UNC13B: variants seen among roughly 807,000 people sequenced by gnomAD.
UNC13B encodes unc-13 homolog B.
A neutral mutation model predicts 211.0 loss-of-function variants in UNC13B; 144 were observed. The observed-to-expected ratio is 0.68, with a 90% CI of 0.60 to 0.78. UNC13B has a LOEUF of 0.78. Ranked by LOEUF, UNC13B falls within the 30% of genes least tolerant of loss-of-function variation. The probability of loss-of-function intolerance (pLI) is 0.00; values close to 1 mark genes in which losing one functional copy is unlikely to be tolerated. For synonymous variants in UNC13B, 709 were observed against 725.8 expected, an observed-to-expected ratio of 0.98 and a Z score of 0.37; for missense variants, 1,777 against 2,002.0, an observed-to-expected ratio of 0.89 and a Z score of 2.14.
intron 7 of UNC13B, among the ~76,000 whole-genome samples, chr9:35,268,697 A>G (rs1477785983): frequency 3.9e-5 from 6 of 152,110 alleles, no homozygotes; most frequent in Non-Finnish European, 8.8e-5. Context: ...GCTGATGTCA[A>G]TTTGTCCCTT....
chr9:35,318,853 G>A (rs1182105131), intron 11 of UNC13B, among the ~76,000 whole-genome samples: 1 of 152,122 alleles, frequency 6.6e-6, no homozygotes, highest in Non-Finnish European at 1.5e-5. Flanking sequence ...AAAATAACAA[G>A]GGCTTGTTTC....
chr9:35,338,483 T>A (rs181421176), intron 11 of UNC13B, among the ~76,000 whole-genome samples: 1 of 152,246 alleles, frequency 6.6e-6, no homozygotes, highest in Non-Finnish European at 1.5e-5. Context: ...CAGGATTACC[T>A]CCTGCTGCCC....
intron 17 of UNC13B, among the ~76,000 whole-genome samples, chr9:35,380,027 C>G (rs1450819047): frequency 6.6e-6 from 1 of 152,112 alleles, no homozygotes; most frequent in Non-Finnish European, 1.5e-5. Flanking sequence ...AGATAGAAAG[C>G]CAAACAGTTA....
intron 5 of UNC13B, among the ~76,000 whole-genome samples, chr9:35,241,017 A>G (rs1274032795): frequency 2.0e-5 from 3 of 147,922 alleles, no homozygotes; most frequent in Non-Finnish European, 3.0e-5. Flanking sequence ...AGATTCCACC[A>G]CTGCTCTCCA....
At chr9:35,309,103 A>G (rs1193842252) in intron 9 of UNC13B, among the ~76,000 whole-genome samples, 1 of 152,150 alleles carries the variant, frequency 6.6e-6, no homozygotes, top group South Asian at 2.1e-4. Flanking sequence ...CGAGCAGTGT[A>G]CAGGATCTAT....
chr9:35,353,549 A>G, intron 11 of UNC13B: 6 of 1,232,074 alleles, frequency 4.9e-6, no homozygotes, highest in Middle Eastern at 3.1e-4. Flanking sequence ...TCAGGATCCA[A>G]GCACCTTCTC....
chr9:35,184,739 CGAAA>C (rs36190549), intron 1 of UNC13B, among the ~76,000 whole-genome samples: 19,119 of 93,804 alleles, frequency 0.2, 1,749 homozygotes, highest in Middle Eastern at 0.28. Context: ...GAGAGGGAGA[CGAAA>C]GAAAGAAAGA....
At chr9:35,228,911 T>C (rs1178469193) in intron 2 of UNC13B, among the ~76,000 whole-genome samples, 1 of 152,166 alleles carries the variant, frequency 6.6e-6, no homozygotes, top group African/African-American at 2.4e-5. Context: ...TTCTCATTGC[T>C]TGCTTTTGCA....
Position 35,403,830 on chromosome 9 carries a change from G to C in UNC13B, c.12820G>C (p.Val4274Leu), listed in dbSNP as rs748746763. ...TTACTGCTTTGCCCGGGAAGATCGCGTGCTAGGGCTGGCTGTGATGCCTCT... is the reference window on the plus strand; with the variant it reads ...TTACTGCTTTGCCCGGGAAGATCGCCTGCTAGGGCTGGCTGTGATGCCTCT... ...KDYCFAREDR[V>L]LGLAVMPLRD... Residue 4274 changes from valine to leucine, a missense_variant, in exon 40 of 40, where the codon GTG becomes CTG. Coordinates refer to ENST00000635942, the MANE Select transcript of UNC13B (RefSeq NM_001371189.2). 1.2e-6 allele frequency: 2 copies of C among 1,614,158 alleles called. No homozygotes were observed. Among genetic ancestry groups the C allele is most frequent in the Non-Finnish European group, 1.7e-6 (2 of 1,180,026 alleles).
intron 11 of UNC13B, among the ~76,000 whole-genome samples, chr9:35,362,625 C>T (rs1318415584): frequency 6.6e-6 from 1 of 152,086 alleles, no homozygotes; most frequent in Non-Finnish European, 1.5e-5. Flanking sequence ...CTGGCTAACA[C>T]AGTGAAACCC....
chr9:35,388,821 A>G (rs542048856), intron 24 of UNC13B, among the ~76,000 whole-genome samples: 4 of 152,330 alleles, frequency 2.6e-5, no homozygotes, highest in African/African-American at 4.8e-5. Flanking sequence ...GCAGAGGAGT[A>G]ACACATTGAG....
intron 1 of UNC13B, among the ~76,000 whole-genome samples, chr9:35,208,981 C>G (rs1237761635): frequency 1.3e-5 from 2 of 152,192 alleles, no homozygotes; most frequent in African/African-American, 4.8e-5. Context: ...TGTCCTGTTT[C>G]ACAAAATGAT....
At chr9:35,288,197 A>C (rs1345394368) in intron 7 of UNC13B, among the ~76,000 whole-genome samples, 3 of 151,942 alleles carry the variant, frequency 2.0e-5, no homozygotes, top group Non-Finnish European at 4.4e-5. Context: ...ATGAATCACC[A>C]GTCCTTTCTA....
chr9:35,385,612 A>G (rs1317420884), intron 22 of UNC13B, 112 bp from the exon 23 acceptor site: 1 of 1,434,872 alleles, frequency 7.0e-7, no homozygotes, highest in Non-Finnish European at 9.2e-7. Flanking sequence ...CAGCTCAACT[A>G]GAGAAAAACC....
At chr9:35,309,222 AGTGTGTGTGTGTGTGTGTGTGTGTGT>A (rs5897599) in intron 9 of UNC13B, among the ~76,000 whole-genome samples, 1 of 145,144 alleles carries the variant, frequency 6.9e-6, no homozygotes, top group Non-Finnish European at 1.5e-5. Flanking sequence ...GGTCAGGGTC[AGTGTGTGTGTGTGTGTGTGTGTGTGT>A]GTGTGTGTGT....
intron 11 of UNC13B, among the ~76,000 whole-genome samples, chr9:35,338,964 A>G (rs1269096273): frequency 6.6e-6 from 1 of 152,184 alleles, no homozygotes; most frequent in Admixed American, 6.5e-5. Flanking sequence ...CAGTTGCTTT[A>G]GCTGAAGATG....
chr9:35,301,395 T>C lies in UNC13B; in HGVS notation c.1991T>C (p.Phe664Ser), dbSNP rs1829675563. 1 of 398,590 alleles carries C rather than the reference T, an allele frequency of 2.5e-6. No individual in the cohort carries two copies. Among genetic ancestry groups the C allele is most frequent in the Non-Finnish European group, 4.4e-6 (1 of 225,938 alleles). 24.7% of individuals were successfully genotyped at this position (398,590 alleles called of 1,614,324 possible). ...AGCAGGTTAAATCCATTGAAGATCT[T>C]TTCAGAAAAGGAGGAAACAAAAAAA... is the stretch of plus-strand genomic sequence containing the variant. ...VFSRLNPLKI[F>S]SEKEETKKDD... is the part of the protein sequence containing the mutation. Residue 664 changes from phenylalanine to serine, a missense_variant, in exon 9 of 40, where the codon TTT becomes TCT. Transcript: ENST00000635942.
chr9:35,242,248 C>A (rs886985927), intron 5 of UNC13B, among the ~76,000 whole-genome samples: 3 of 152,086 alleles, frequency 2.0e-5, no homozygotes, highest in African/African-American at 7.2e-5. Flanking sequence ...AGGCATAAAA[C>A]CTGTGAGTAT....
intron 4 of UNC13B, among the ~76,000 whole-genome samples, chr9:35,237,031 T>C (rs1825552245): frequency 6.6e-6 from 1 of 152,188 alleles, no homozygotes; most frequent in Non-Finnish European, 1.5e-5. Context: ...TTCTTCTGCA[T>C]GTAAGCCTGA....
Sources: gnomAD v4.1 joint callset for allele counts (sites outside exome capture counted in the v4.1 genomes callset) on GRCh38, gnomAD v4.1.1 for gene constraint, MANE v1.5 for transcripts, NCBI Gene and HGNC (gene_info 2026-07-23, HGNC 2026-07-21) for gene names.